The following ADAMTSL1 variants were observed in gnomAD, a reference collection of about 807,000 sequenced individuals.
The protein encoded by ADAMTSL1 is ADAMTS-like protein 1.
A neutral mutation model predicts 201.8 loss-of-function variants in ADAMTSL1; 126 were observed. That is an observed-to-expected ratio of 0.62 (90% CI 0.54 to 0.72). The LOEUF (loss-of-function observed/expected upper bound fraction) is 0.72. ADAMTSL1 is among the 30% of genes least tolerant of loss of function. The pLI, the probability that ADAMTSL1 is intolerant of heterozygous loss-of-function variation, is 0.00. For synonymous variants in ADAMTSL1, 1,121 were observed against 903.4 expected (o/e 1.24, Z -4.32); for missense variants, 2,679 against 2,277.8 (o/e 1.18, Z -3.59).
chr9:17,995,561 G>T (rs188461832), intron 1 of ADAMTSL1, among the ~76,000 whole-genome samples: 2 of 152,136 alleles, frequency 1.3e-5, no homozygotes, highest in Non-Finnish European at 2.9e-5. Flanking sequence ...GAACTAGAGA[G>T]AAAAGTGGAG....
intron 18 of ADAMTSL1, among the ~76,000 whole-genome samples, chr9:18,776,303 G>T (rs1364301686): frequency 1.3e-5 from 2 of 152,200 alleles, no homozygotes; most frequent in African/African-American, 4.8e-5. Context: ...GTCCTTTAGG[G>T]CTCTGGTGCC....
intron 23 of ADAMTSL1, among the ~76,000 whole-genome samples, chr9:18,830,413 A>G (rs113328888): frequency 9.9e-4 from 151 of 152,298 alleles, no homozygotes; most frequent in African/African-American, 3.5e-3. Context: ...AAATATCAGC[A>G]CCCTCCAAAA....
At position 18,717,173 on chromosome 9, in the gene ADAMTSL1, C is replaced by G. The variant is rs918251768; in HGVS notation, c.1877-4363C>G. On this transcript the variant is annotated intron_variant, in intron 14 of 28. Coordinates refer to ENST00000380548, the MANE Select transcript of ADAMTSL1 (RefSeq NM_001040272.6). ...GTGGGTACAGCGCACCAGCATGGCACATGTATACCTATGTAACTAACCTGC... is the reference window on the plus strand; with the variant it reads ...GTGGGTACAGCGCACCAGCATGGCAGATGTATACCTATGTAACTAACCTGC... Among the ~76,000 whole-genome samples the G allele has an allele frequency of 1.6e-3, 238 of 150,346 alleles. 2 individuals are homozygous for G. Among genetic ancestry groups the G allele is most frequent in the African/African-American group, 5.4e-3 (223 of 40,918 alleles).
chr9:18,079,717 AT>A (rs1823399205), intron 1 of ADAMTSL1, among the ~76,000 whole-genome samples: 1 of 150,528 alleles, frequency 6.6e-6, no homozygotes, highest in Non-Finnish European at 1.5e-5. Flanking sequence ...AAATAAATAA[AT>A]AAATAAATAA....
intron 20 of ADAMTSL1, among the ~76,000 whole-genome samples, chr9:18,808,923 G>T (rs1588145228): frequency 6.6e-6 from 1 of 152,146 alleles, no homozygotes; most frequent in East Asian, 1.9e-4. Context: ...TAGTACTGTT[G>T]TTTCTGCCTC....
At chr9:18,882,689 G>T (rs1041611699) in intron 23 of ADAMTSL1, among the ~76,000 whole-genome samples, 1 of 152,090 alleles carries the variant, frequency 6.6e-6, no homozygotes, top group African/African-American at 2.4e-5. Flanking sequence ...CTTCTCCTGA[G>T]TACCTTGAAT....
Position 18,356,548 on chromosome 9 carries a change from A to G in ADAMTSL1, c.208-148281A>G, listed in dbSNP as rs867097102. Among the ~76,000 whole-genome samples, 31 of 150,970 alleles carry G rather than the reference A, an allele frequency of 2.1e-4. No homozygotes were observed. In the Middle Eastern group the frequency reaches 0.014, roughly 67 times the overall value. On this transcript the variant is annotated intron_variant, in intron 2 of 29. Transcript: ENST00000680146. ...TCTTTAAAAAAAAAAAAAAAAAAAAAAAAGGCTATCATCTGCAGCCTAAAA... is the reference window on the plus strand; with the variant it reads ...TCTTTAAAAAAAAAAAAAAAAAAAAGAAAGGCTATCATCTGCAGCCTAAAA...
intron 2 of ADAMTSL1, among the ~76,000 whole-genome samples, chr9:18,425,089 A>T (rs1197281055): frequency 6.6e-6 from 1 of 151,926 alleles, no homozygotes; most frequent in Non-Finnish European, 1.5e-5. Flanking sequence ...TGAAATTTGA[A>T]ACTGATTTAT....
chr9:18,720,743 A>G (rs1460014176), intron 14 of ADAMTSL1, among the ~76,000 whole-genome samples: 4 of 152,162 alleles, frequency 2.6e-5, no homozygotes, highest in African/African-American at 9.7e-5. Context: ...AGATCGTGCC[A>G]CTACACTCCA....
intron 5 of ADAMTSL1, among the ~76,000 whole-genome samples, chr9:18,634,279 A>C (rs1419441843): frequency 6.6e-6 from 1 of 152,102 alleles, no homozygotes; most frequent in Non-Finnish European, 1.5e-5. Context: ...ATATGTCTGA[A>C]CAGGCCAGGT....
At chr9:18,407,137 C>T (rs1818239725) in intron 2 of ADAMTSL1, among the ~76,000 whole-genome samples, 1 of 152,164 alleles carries the variant, frequency 6.6e-6, no homozygotes, top group South Asian at 2.1e-4. Flanking sequence ...TGAGATACTT[C>T]CTTGAATTAA....
At chr9:18,523,073 C>G (rs1452654403) in intron 2 of ADAMTSL1, among the ~76,000 whole-genome samples, 1 of 152,134 alleles carries the variant, frequency 6.6e-6, no homozygotes, top group Non-Finnish European at 1.5e-5. Flanking sequence ...TAAAAGTGTT[C>G]CTATTTCTCC....
chr9:18,732,641 G>A (rs1443261167), intron 15 of ADAMTSL1, among the ~76,000 whole-genome samples: 1 of 152,134 alleles, frequency 6.6e-6, no homozygotes, highest in Non-Finnish European at 1.5e-5. Flanking sequence ...GATGAATTGT[G>A]TTATTCCTAG....
intron 2 of ADAMTSL1, among the ~76,000 whole-genome samples, chr9:18,295,770 T>G (rs2891122): frequency 6.6e-6 from 1 of 152,012 alleles, no homozygotes; most frequent in East Asian, 1.9e-4. Flanking sequence ...AAGCATGGAT[T>G]GACCTTAAAA....
intron 7 of ADAMTSL1, among the ~76,000 whole-genome samples, chr9:18,650,142 T>A (rs560246059): frequency 2.2e-4 from 33 of 152,296 alleles, no homozygotes; most frequent in African/African-American, 6.7e-4. Flanking sequence ...GTTTGATCTC[T>A]GACTGCTTTG....
chr9:18,665,873 A>G (rs1829398412), intron 9 of ADAMTSL1, among the ~76,000 whole-genome samples: 2 of 152,146 alleles, frequency 1.3e-5, no homozygotes, highest in South Asian at 2.1e-4. Flanking sequence ...AGAAATATTG[A>G]TAAGTTAAAA....
chr9:18,639,398 A>C lies in ADAMTSL1; in HGVS notation c.821A>C (p.Asp274Ala). 6.2e-7 allele frequency: 1 copy of C among 1,612,392 alleles called. No individual in the cohort carries two copies. The highest frequency in any genetic ancestry group is 8.5e-7 in the Non-Finnish European group (1 of 1,178,914). Residue 274 changes from aspartate (D) to alanine (A), a missense_variant, in exon 7 of 29, where the codon GAT (aspartate) becomes GCT (alanine). Coordinates refer to ENST00000380548, the MANE Select transcript of ADAMTSL1 (RefSeq NM_001040272.6). Reference protein sequence around the residue: ...ILRMAGPLTADFIVKIRNSGS... With the variant: ...ILRMAGPLTAAFIVKIRNSGS... ...AGAATGGCTGGACCACTCACAGCAG[A>C]TTTCATTGTCAAGGTGAGCCCTATT...
chr9:18,297,361 TTC>T (rs904096391), intron 2 of ADAMTSL1, among the ~76,000 whole-genome samples: 1 of 152,094 alleles, frequency 6.6e-6, no homozygotes, highest in African/African-American at 2.4e-5. Flanking sequence ...TTTTCTTTTT[TTC>T]TTTTTCTTTT....
intron 3 of ADAMTSL1, among the ~76,000 whole-genome samples, chr9:18,557,995 T>A (rs1821207871): frequency 6.6e-6 from 1 of 152,094 alleles, no homozygotes; most frequent in Admixed American, 6.6e-5. Flanking sequence ...TTGAACTCAC[T>A]GCTGAGGGAG....
Sources: gnomAD v4.1 joint callset for allele counts (sites outside exome capture counted in the v4.1 genomes callset) on GRCh38, gnomAD v4.1.1 for gene constraint, MANE v1.5 for transcripts, NCBI Gene and HGNC (gene_info 2026-07-23, HGNC 2026-07-21) for gene names.